Variants in ADAMTSL1 observed in about 807,000 individuals in gnomAD.
ADAMTSL1 encodes the protein ADAMTS like 1.
A neutral mutation model predicts 201.8 loss-of-function variants in ADAMTSL1; 126 were observed. The ratio of observed to expected loss-of-function variants is 0.62; its 90% CI spans 0.54 to 0.72. ADAMTSL1 has a LOEUF of 0.72. ADAMTSL1 is among the 30% of genes least tolerant of loss of function. The probability of loss-of-function intolerance (pLI) is 0.00; values close to 1 mark genes in which losing one functional copy is unlikely to be tolerated. For synonymous variants in ADAMTSL1, 1,121 were observed against 903.4 expected, an observed-to-expected ratio of 1.24 and a Z score of -4.32; for missense variants, 2,679 against 2,277.8, an observed-to-expected ratio of 1.18 and a Z score of -3.59.
intron 2 of ADAMTSL1, among the ~76,000 whole-genome samples, chr9:18,446,504 C>T (rs769176775): frequency 6.0e-4 from 91 of 152,220 alleles, no homozygotes; most frequent in Non-Finnish European, 6.8e-4. Flanking sequence ...CACAAAATGT[C>T]AACCAGCAAG....
At chr9:18,581,249 C>T (rs1823072084) in intron 4 of ADAMTSL1, among the ~76,000 whole-genome samples, 1 of 152,140 alleles carries the variant, frequency 6.6e-6, no homozygotes, top group Non-Finnish European at 1.5e-5. Context: ...GTGTCTTCAC[C>T]TCTTCTTATA....
At chr9:18,586,367 G>A (rs979457078) in intron 4 of ADAMTSL1, among the ~76,000 whole-genome samples, 1 of 152,010 alleles carries the variant, frequency 6.6e-6, no homozygotes, top group African/African-American at 2.4e-5. Flanking sequence ...AAATATCTAA[G>A]AATACAGCTA....
At chr9:18,790,291 CTA>C (rs1821947979) in intron 19 of ADAMTSL1, among the ~76,000 whole-genome samples, 1 of 152,160 alleles carries the variant, frequency 6.6e-6, no homozygotes, top group African/African-American at 2.4e-5. Context: ...CCACACGACT[CTA>C]GACTGGAGTC....
chr9:18,779,775 G>T lies in ADAMTSL1; in HGVS notation c.3677+1869G>T, dbSNP rs76396620. On this transcript the variant is annotated intron_variant, in intron 19 of 28. Transcript: ENST00000380548. ...GTGTGGACCCAGGGTGATGAGGGGT[G>T]GCCTGATACTCAGTCCTATCGGTGC... is the stretch of plus-strand genomic sequence containing the variant. Among the ~76,000 whole-genome samples, 833 of 152,284 alleles carry T rather than the reference G, an allele frequency of 5.5e-3. 6 individuals carry two copies. Among genetic ancestry groups the T allele is most frequent in the South Asian group, 0.041 (197 of 4,824 alleles).
intron 2 of ADAMTSL1, among the ~76,000 whole-genome samples, chr9:18,300,033 C>T (rs1264390130): frequency 3.3e-5 from 5 of 152,140 alleles, no homozygotes; most frequent in African/African-American, 4.8e-5. Flanking sequence ...TTAGTTCAAC[C>T]ATTGTGGAAG....
chr9:18,029,516 G>A (rs1255337189), intron 1 of ADAMTSL1, among the ~76,000 whole-genome samples: 2 of 152,104 alleles, frequency 1.3e-5, no homozygotes, highest in African/African-American at 4.8e-5. Context: ...AACACCAAAA[G>A]CAATGGCAAC....
At chr9:18,619,627 G>A (rs1825907151) in intron 4 of ADAMTSL1, among the ~76,000 whole-genome samples, 1 of 152,126 alleles carries the variant, frequency 6.6e-6, no homozygotes, top group African/African-American at 2.4e-5. Flanking sequence ...AAGCTGAATT[G>A]TTCTTTACTT....
At chr9:18,000,191 CA>C in intron 1 of ADAMTSL1, among the ~76,000 whole-genome samples, 1 of 151,158 alleles carries the variant, frequency 6.6e-6, no homozygotes, top group African/African-American at 2.4e-5. Context: ...CTGACTTCCA[CA>C]ATGGTTGAAC....
At chr9:18,897,736 AC>A (rs750568208) in intron 26 of ADAMTSL1, among the ~76,000 whole-genome samples, 1 of 152,248 alleles carries the variant, frequency 6.6e-6, no homozygotes, top group African/African-American at 2.4e-5. Context: ...AGATAAGCCC[AC>A]AAAGATGAGA....
At chr9:18,450,822 C>G (rs112738347) in intron 2 of ADAMTSL1, among the ~76,000 whole-genome samples, 1 of 152,178 alleles carries the variant, frequency 6.6e-6, no homozygotes, top group African/African-American at 2.4e-5. Context: ...CCATTGTCCA[C>G]TCTACAGTAT....
At chr9:18,251,440 A>G (rs2132491863) in intron 2 of ADAMTSL1, among the ~76,000 whole-genome samples, 1 of 152,338 alleles carries the variant, frequency 6.6e-6, no homozygotes, top group African/African-American at 2.4e-5. Context: ...AAACCTGACA[A>G]TTTTCTAGAT....
chr9:18,865,825 T>C lies in ADAMTSL1; in HGVS notation c.4250-22006T>C, dbSNP rs541432254. 5.0e-4 allele frequency among the ~76,000 whole-genome samples: 76 copies of C among 152,248 alleles called. 1 individual carries two copies. The highest frequency in any genetic ancestry group is 1.7e-3 in the African/African-American group (70 of 41,548). ...GCTGCGTCCTCCTCAGCCACCTCACTAACCCAAGCCCTTTAATAGCTGAGG... is the reference window on the plus strand; with the variant it reads ...GCTGCGTCCTCCTCAGCCACCTCACCAACCCAAGCCCTTTAATAGCTGAGG... On this transcript the variant is annotated intron_variant, in intron 23 of 28. Coordinates refer to ENST00000380548, the MANE Select transcript of ADAMTSL1 (RefSeq NM_001040272.6).
intron 5 of ADAMTSL1, among the ~76,000 whole-genome samples, chr9:18,627,898 G>T (rs1587738540): frequency 6.6e-6 from 1 of 152,296 alleles, no homozygotes; most frequent in African/African-American, 2.4e-5. Flanking sequence ...TTCATCTTTT[G>T]CATAGTGTCA....
intron 4 of ADAMTSL1, among the ~76,000 whole-genome samples, chr9:18,597,076 A>T (rs978978048): frequency 6.6e-6 from 1 of 152,150 alleles, no homozygotes; most frequent in African/African-American, 2.4e-5. Context: ...TAGTTTCTTT[A>T]TATTATGTTG....
intron 2 of ADAMTSL1, among the ~76,000 whole-genome samples, chr9:18,212,104 G>A (rs190370968): frequency 7.9e-5 from 12 of 152,238 alleles, no homozygotes; most frequent in Middle Eastern, 3.4e-3. Context: ...AAAAATTCTG[G>A]AACCAAATCT....
intron 2 of ADAMTSL1, among the ~76,000 whole-genome samples, chr9:18,328,770 A>C (rs899378770): frequency 4.6e-5 from 7 of 152,186 alleles, no homozygotes; most frequent in Non-Finnish European, 7.3e-5. Context: ...AAGGCATCTG[A>C]GTATTAATAG....
intron 13 of ADAMTSL1, among the ~76,000 whole-genome samples, chr9:18,690,177 C>A (rs1349663410): frequency 6.6e-6 from 1 of 152,110 alleles, no homozygotes; most frequent in Non-Finnish European, 1.5e-5. Flanking sequence ...ATAAGAGTCA[C>A]CATGGTGATT....
chr9:18,325,196 C>T (rs1318278084), intron 2 of ADAMTSL1, among the ~76,000 whole-genome samples: 4 of 152,156 alleles, frequency 2.6e-5, no homozygotes, highest in Non-Finnish European at 4.4e-5. Context: ...CTTATAAAGT[C>T]AAACATACAC....
At chr9:18,536,395 G>C (rs1043317285) in intron 3 of ADAMTSL1, among the ~76,000 whole-genome samples, 1 of 149,984 alleles carries the variant, frequency 6.7e-6, no homozygotes, top group African/African-American at 2.4e-5. Flanking sequence ...TGGGGAGTTC[G>C]TATTCCCCAG....
Sources: allele counts gnomAD v4.1 joint callset (sites outside exome capture counted in the v4.1 genomes callset), GRCh38; gene constraint gnomAD v4.1.1; transcripts MANE v1.5; gene names NCBI Gene and HGNC (gene_info 2026-07-23, HGNC 2026-07-21).